The following SPTBN1 variants were observed in gnomAD, a reference collection of about 807,000 sequenced individuals.
SPTBN1 encodes the protein spectrin beta, non-erythrocytic 1, also known as spectrin beta chain, non-erythrocytic 1.
SPTBN1 carries 32 observed loss-of-function variants against 266.4 expected under a neutral mutation model. The observed-to-expected ratio is 0.12, with a 90% CI of 0.09 to 0.16. SPTBN1 has a LOEUF of 0.16. Among genes scored for constraint, SPTBN1 ranks in the 10% least tolerant of loss-of-function variants. The probability of loss-of-function intolerance (pLI) is 1.00; values close to 1 mark genes in which losing one functional copy is unlikely to be tolerated. For synonymous variants in SPTBN1, 1,336 were observed against 1,162.2 expected (o/e 1.15, Z -3.04); for missense variants, 2,296 against 3,067.1 (o/e 0.75, Z 5.94).
At position 54,554,911 on chromosome 2, in the gene SPTBN1, T is replaced by G. The variant is rs1028975635; in HGVS notation, c.148+28345T>G. Among the ~76,000 whole-genome samples the G allele has an allele frequency of 2.0e-4, 31 of 152,330 alleles. No homozygotes were observed. Among genetic ancestry groups the G allele is most frequent in the African/African-American group, 6.7e-4 (28 of 41,578 alleles). On this transcript the variant is annotated intron_variant, in intron 2 of 35. Transcript: ENST00000356805. This position sits in a 1 kb window ranked among gnomAD's most constrained non-coding sequence, Gnocchi z 4.5. ...ATTCACTAGTCTCATCTTCATAGCT[T>G]CTTCTTCGTCCTCCTCCTCCTCCTT...
chr2:54,501,452 G>A (rs1485648877), intron 1 of SPTBN1, among the ~76,000 whole-genome samples: 1 of 152,140 alleles, frequency 6.6e-6, no homozygotes, highest in Non-Finnish European at 1.5e-5. Flanking sequence ...TCCCTTTTAG[G>A]GAACACTACA....
intron 1 of SPTBN1, among the ~76,000 whole-genome samples, chr2:54,483,967 G>C (rs1488427960): frequency 2.6e-5 from 4 of 152,144 alleles, no homozygotes; most frequent in Non-Finnish European, 5.9e-5. Flanking sequence ...GGCTGAGGCA[G>C]TCAGATCACC....
chr2:54,536,936 G>T (rs1671642567), intron 2 of SPTBN1, among the ~76,000 whole-genome samples: 1 of 152,206 alleles, frequency 6.6e-6, no homozygotes, highest in African/African-American at 2.4e-5. Context: ...GTGAGGCTGA[G>T]GTGGGAGGAT....
intron 1 of SPTBN1, among the ~76,000 whole-genome samples, chr2:54,456,819 C>T (rs1420865170): frequency 6.6e-6 from 1 of 151,216 alleles, no homozygotes; most frequent in Non-Finnish European, 1.5e-5. Flanking sequence ...GCCGTCCGGC[C>T]CCAGCCCCGG....
chr2:54,624,968 G>C lies in SPTBN1; in HGVS notation c.1341+6G>C, dbSNP rs773576203. The C allele has an allele frequency of 3.2e-6, 5 of 1,577,006 alleles. No homozygotes were observed. Among genetic ancestry groups the C allele is most frequent in the South Asian group, 2.4e-5 (2 of 85,050 alleles). On this transcript the variant is annotated splice_donor_region_variant and intron_variant, in intron 11 of 35. Transcript: ENST00000356805. ...ACCAGCGTCTGGTGTCTCAGGTTCT[G>C]CTCTTGACATTATTAAAAAGACTGT...
chr2:54,618,306 C>T (rs1677758417), intron 7 of SPTBN1, 113 bp downstream of exon 7: 1 of 945,590 alleles, frequency 1.1e-6, no homozygotes, highest in East Asian at 2.6e-5. Flanking sequence ...AAAGGAAGAG[C>T]TTAATTTTGG....
intron 7 of SPTBN1, among the ~76,000 whole-genome samples, chr2:54,619,790 G>A (rs572151532): frequency 6.6e-6 from 1 of 152,282 alleles, no homozygotes; most frequent in Admixed American, 6.5e-5. Context: ...CCCTGGGGTA[G>A]GGAACAGTAG....
intron 2 of SPTBN1, among the ~76,000 whole-genome samples, chr2:54,541,140 T>C (rs931645747): frequency 1.3e-5 from 2 of 152,238 alleles, no homozygotes; most frequent in African/African-American, 4.8e-5. Flanking sequence ...GTTCCATGGA[T>C]TGCCAGTCCC....
chr2:54,617,837 A>T lies in SPTBN1; in HGVS notation c.647+149A>T, dbSNP rs534158359. On this transcript the variant is annotated intron_variant, in intron 6 of 35. Coordinates refer to ENST00000356805, the MANE Select transcript of SPTBN1 (RefSeq NM_003128.3). Reference sequence around the variant, plus strand: ...TTCCATGTGAGGAAAATATGGGAGAATATATAAATTCTTCCAAACAGAATA... The same window carrying T: ...TTCCATGTGAGGAAAATATGGGAGATTATATAAATTCTTCCAAACAGAATA... 78 of 746,514 alleles carry T rather than the reference A, an allele frequency of 1.0e-4. No homozygotes were observed. The South Asian group carries it at 1.4e-3, about 14-fold the overall frequency. The allele number at this position is 746,514 out of a possible 1,614,324, so 46.2% of individuals were successfully genotyped here.
intron 1 of SPTBN1, among the ~76,000 whole-genome samples, chr2:54,474,886 A>T (rs1018732340): frequency 1.3e-5 from 2 of 152,186 alleles, no homozygotes; most frequent in Non-Finnish European, 2.9e-5. Context: ...TCAAAAGTGG[A>T]TGTAGGCTGG....
intron 7 of SPTBN1, among the ~76,000 whole-genome samples, 154 bp from the exon 8 acceptor site, chr2:54,621,246 T>C (rs930634611): frequency 1.3e-5 from 2 of 152,200 alleles, no homozygotes; most frequent in Admixed American, 6.5e-5. Context: ...CTCATTATCC[T>C]TGTAATTAAT....
intron 2 of SPTBN1, chr2:54,529,450 C>CA (rs770061060): frequency 2.1e-4 from 150 of 708,254 alleles, no homozygotes; most frequent in Middle Eastern, 4.8e-4. Context: ...TCCACGGCCA[C>CA]AAAAAAAAGA....
intron 3 of SPTBN1, among the ~76,000 whole-genome samples, chr2:54,608,923 T>A (rs1677034259): frequency 6.6e-6 from 1 of 152,144 alleles, no homozygotes; most frequent in Non-Finnish European, 1.5e-5. Flanking sequence ...AAAGAAAATG[T>A]TAGAAAAGGA....
chr2:54,643,204 A>C, intron 19 of SPTBN1, 75 bp downstream of exon 19: 1 of 1,576,698 alleles, frequency 6.3e-7, no homozygotes, highest in Non-Finnish European at 8.6e-7. Context: ...TATTTAGCAC[A>C]TTTTCCAGCA....
chr2:54,611,643 T>C (rs79649050), intron 3 of SPTBN1, among the ~76,000 whole-genome samples: 2,972 of 152,312 alleles, frequency 0.02, 55 homozygotes, highest in South Asian at 0.057. Flanking sequence ...TATACTTCTT[T>C]ACTTAACCTT....
At chr2:54,544,010 A>T (rs773879460) in intron 2 of SPTBN1, among the ~76,000 whole-genome samples, 6 of 152,230 alleles carry the variant, frequency 3.9e-5, no homozygotes, top group Middle Eastern at 3.2e-3. Flanking sequence ...TAAAGAAGAA[A>T]TATTACTAAA....
chr2:54,620,737 G>T (rs1677937363), intron 7 of SPTBN1, among the ~76,000 whole-genome samples: 1 of 152,206 alleles, frequency 6.6e-6, no homozygotes, highest in Admixed American at 6.5e-5. Context: ...CTTAAAAGAA[G>T]CCTGGTGAAT....
chr2:54,535,634 G>A (rs1186152074), intron 2 of SPTBN1, among the ~76,000 whole-genome samples: 1 of 152,200 alleles, frequency 6.6e-6, no homozygotes, highest in Admixed American at 6.5e-5. Context: ...GAGAGAAAGA[G>A]CAGAAAATAC....
intron 1 of SPTBN1, among the ~76,000 whole-genome samples, chr2:54,517,833 A>G (rs1222502748): frequency 6.6e-6 from 1 of 151,822 alleles, no homozygotes; most frequent in African/African-American, 2.4e-5. Flanking sequence ...TTTAGTAGAG[A>G]CAGGGTTTCA....
Sources: allele counts gnomAD v4.1 joint callset (sites outside exome capture counted in the v4.1 genomes callset), GRCh38; gene constraint gnomAD v4.1.1; non-coding constraint Gnocchi (gnomAD v3.1); transcripts MANE v1.5; gene names NCBI Gene and HGNC (gene_info 2026-07-23, HGNC 2026-07-21).